The following ADRA1B variants were observed in gnomAD, a reference collection of about 807,000 sequenced individuals.
ADRA1B encodes the protein adrenoceptor alpha 1B, also known as alpha-1B adrenergic receptor.
Under a neutral mutation model 17.9 loss-of-function variants are expected in ADRA1B, and 17 were observed. That is an observed-to-expected ratio of 0.95 (90% CI 0.65 to 1.42). ADRA1B has a LOEUF of 1.42. Ranked by LOEUF, ADRA1B falls within the 40% of genes most tolerant of loss-of-function variation. The pLI, the probability that ADRA1B is intolerant of heterozygous loss-of-function variation, is 0.00. For synonymous variants in ADRA1B, 366 were observed against 327.6 expected (o/e 1.12, Z -1.27); for missense variants, 681 against 722.1 (o/e 0.94, Z 0.65).
intron 1 of ADRA1B, among the ~76,000 whole-genome samples, chr5:159,905,486 C>T (rs923028341): frequency 1.3e-5 from 2 of 152,208 alleles, no homozygotes; most frequent in African/African-American, 4.8e-5. Context: ...AGGCTGAGAT[C>T]AAACTGTCCT....
chr5:159,881,133 C>A (rs1370401211), intron 1 of ADRA1B, among the ~76,000 whole-genome samples: 5 of 143,128 alleles, frequency 3.5e-5, no homozygotes, highest in African/African-American at 1.3e-4. Context: ...GAGATTGCGC[C>A]ACTGCAGTCC....
chr5:159,988,337 G>A, the ADRA1B span, among the ~76,000 whole-genome samples: 13 of 152,218 alleles, frequency 8.5e-5, no homozygotes, highest in Non-Finnish European at 1.3e-4. Flanking sequence ...CTTTAGCCCA[G>A]TAAAACTGAC....
intron 1 of ADRA1B, among the ~76,000 whole-genome samples, chr5:159,908,733 C>T (rs1176177909): frequency 3.9e-5 from 6 of 152,168 alleles, no homozygotes; most frequent in East Asian, 3.8e-4. Flanking sequence ...AATGAGATGA[C>T]GCATATGGAT....
chr5:159,878,268 G>T (rs747461872), intron 1 of ADRA1B, among the ~76,000 whole-genome samples: 21 of 152,182 alleles, frequency 1.4e-4, no homozygotes, highest in African/African-American at 2.4e-5. Flanking sequence ...TAACAGGAAA[G>T]CACATGAGGG....
At chr5:159,955,494 T>C (rs778698894) in intron 1 of ADRA1B, among the ~76,000 whole-genome samples, 14 of 152,176 alleles carry the variant, frequency 9.2e-5, no homozygotes, top group Non-Finnish European at 1.8e-4. Context: ...ATGGTCTAAG[T>C]GGCCCAATCT....
intron 1 of ADRA1B, among the ~76,000 whole-genome samples, chr5:159,935,873 T>C (rs1474304292): frequency 2.6e-5 from 4 of 152,210 alleles, no homozygotes; most frequent in Non-Finnish European, 4.4e-5. Context: ...AAATGTATAC[T>C]CTTAAGAAGC....
intron 1 of ADRA1B, among the ~76,000 whole-genome samples, chr5:159,967,407 T>C (rs1157170508): frequency 1.3e-5 from 2 of 152,184 alleles, no homozygotes; most frequent in African/African-American, 4.8e-5. Context: ...CAGAGCTGAG[T>C]TCCTGGAAGA....
the ADRA1B span, among the ~76,000 whole-genome samples, chr5:159,985,065 T>C: frequency 5.3e-5 from 8 of 152,162 alleles, no homozygotes; most frequent in African/African-American, 1.9e-4. Context: ...TCACTCCACT[T>C]CAGCCACATG....
At chr5:159,928,367 GCACACTCCTGGC>G (rs1026364848) in intron 1 of ADRA1B, among the ~76,000 whole-genome samples, 1 of 152,070 alleles carries the variant, frequency 6.6e-6, no homozygotes. Flanking sequence ...TCTATTGACA[GCACACTCCTGGC>G]CACACTCACC....
chr5:159,939,322 T>TGTGTGCGCGCGCGC (rs1554090928), intron 1 of ADRA1B, among the ~76,000 whole-genome samples: 1 of 107,604 alleles, frequency 9.3e-6, no homozygotes, highest in African/African-American at 3.5e-5. Flanking sequence ...TGTGTGTGTG[T>TGTGTGCGCGCGCGC]GCGCGCGCGC....
At chr5:159,932,256 C>T (rs769327364) in intron 1 of ADRA1B, among the ~76,000 whole-genome samples, 6 of 152,170 alleles carry the variant, frequency 3.9e-5, no homozygotes, top group Non-Finnish European at 5.9e-5. Context: ...TGGACCCAAG[C>T]GATCCTCCCC....
In ADRA1B at chr5:159,972,154, G is replaced by T. The variant is rs1200793714; in HGVS notation, c.1225G>T (p.Asp409Tyr). ...GCAGTCGCGCAAGGACTCGCTGGAC[G>T]ACAGCGGCAGCTGCCTGAGCGGCAG... ...RSQSRKDSLDDSGSCLSGSQR... is the reference protein window; with the variant it reads ...RSQSRKDSLDYSGSCLSGSQR... Residue 409 changes from aspartate (D) to tyrosine (Y), a missense_variant, in exon 2 of 2, where the codon GAC (aspartate) becomes TAC (tyrosine). This residue lies in a region of ADRA1B where 251 missense variants were observed against 224.9 expected (regional missense o/e 1.12). Coordinates refer to ENST00000306675, the MANE Select transcript of ADRA1B (RefSeq NM_000679.4). 3.7e-6 allele frequency: 5 copies of T among 1,360,120 alleles called. No homozygotes were observed. Among genetic ancestry groups the T allele is most frequent in the Non-Finnish European group, 4.8e-6 (5 of 1,047,066 alleles). The allele number at this position is 1,360,120 out of a possible 1,614,324, so 84.3% of individuals were successfully genotyped here.
rs866733406 is a variant in ADRA1B at position 159,947,996 on chromosome 5, A to C, written c.950-23883A>C. On this transcript the variant is annotated intron_variant, in intron 1 of 1. Transcript: ENST00000306675. The stretch of plus-strand genomic sequence containing the variant: ...GTCATGAAGGGAATTGATTTGATCA[A>C]TTACATTGCTGCTGTCTAATTAGTA... 3.0e-6 allele frequency: 3 copies of C among 985,298 alleles called. No individual in the cohort carries two copies. The South Asian group carries it at 1.4e-4, about 46-fold the overall frequency. The allele number at this position is 985,298 out of a possible 1,614,324, so 61.0% of individuals were successfully genotyped here.
intron 1 of ADRA1B, among the ~76,000 whole-genome samples, chr5:159,880,584 C>T (rs1417465648): frequency 7.2e-5 from 11 of 152,180 alleles, no homozygotes; most frequent in Non-Finnish European, 1.3e-4. Flanking sequence ...GGTCATTCAG[C>T]CCCGTGGTAG....
chr5:159,970,713 TCCCCACA>T (rs1451859583), intron 1 of ADRA1B, among the ~76,000 whole-genome samples: 3 of 152,162 alleles, frequency 2.0e-5, no homozygotes, highest in South Asian at 2.1e-4. Flanking sequence ...GCTCCTCGTG[TCCCCACA>T]CCCCACACCC....
At chr5:159,920,380 G>A (rs1249645674) in intron 1 of ADRA1B, among the ~76,000 whole-genome samples, 2 of 152,164 alleles carry the variant, frequency 1.3e-5, no homozygotes, top group African/African-American at 2.4e-5. Context: ...TACCCCCATC[G>A]TCTCTCTCCT....
the ADRA1B span, among the ~76,000 whole-genome samples, chr5:159,985,882 T>C: frequency 1.3e-5 from 2 of 152,200 alleles, no homozygotes. Context: ...CGTCTAGCCC[T>C]TGAGGCTTTG....
At chr5:159,900,384 T>A (rs1754089023) in intron 1 of ADRA1B, among the ~76,000 whole-genome samples, 1 of 152,246 alleles carries the variant, frequency 6.6e-6, no homozygotes, top group African/African-American at 2.4e-5. Context: ...TCAAGGCCTC[T>A]TTTATTCCCC....
chr5:159,873,601 A>G (rs1482737194), intron 1 of ADRA1B, among the ~76,000 whole-genome samples: 1 of 152,108 alleles, frequency 6.6e-6, no homozygotes, highest in African/African-American at 2.4e-5. Context: ...CCTAACAACA[A>G]ACCCTGACTA....
Sources: gnomAD v4.1 joint callset for allele counts (sites outside exome capture counted in the v4.1 genomes callset) on GRCh38, gnomAD v4.1.1 for gene constraint, gnomAD v4.1.1 regional missense constraint, MANE v1.5 for transcripts, NCBI Gene and HGNC (gene_info 2026-07-23, HGNC 2026-07-21) for gene names.